ZNF681: variants seen among roughly 807,000 people sequenced by gnomAD.
The protein encoded by ZNF681 is hypothetical protein FLJ31526.
ZNF681 carries 37 observed loss-of-function variants against 56.0 expected under a neutral mutation model. The observed-to-expected ratio is 0.66, with a 90% CI of 0.51 to 0.87. ZNF681 has a LOEUF of 0.87. Ranked by LOEUF, ZNF681 falls within the 40% of genes least tolerant of loss-of-function variation. ZNF681 has a pLI of 0.00. For missense variants in ZNF681, 741 were observed against 744.9 expected (o/e 0.99, Z 0.06); for synonymous variants, 225 against 248.6 (o/e 0.91, Z 0.89).
intron 3 of ZNF681, 144 bp from the exon 4 acceptor site, chr19:23,745,467 T>C (rs79086336): frequency 1.2e-5 from 7 of 567,518 alleles, no homozygotes; most frequent in East Asian, 1.1e-4. Flanking sequence ...TTTTTTTTTT[T>C]CCTGAGACGG....
chr19:23,752,822 T>C lies in ZNF681; in HGVS notation c.226+2001A>G, dbSNP rs200823758. Among the ~76,000 whole-genome samples, 37 of 152,246 alleles carry C rather than the reference T, an allele frequency of 2.4e-4. No homozygotes were observed. In the East Asian group the frequency reaches 7.0e-3, roughly 29 times the overall value. On this transcript the variant is annotated intron_variant, in intron 3 of 3. Transcript: ENST00000402377. Reference sequence around the variant, plus strand: ...GCTTTTTCAAGTTTAAAGACACTAATACAAAACTATATTTTGCCTATCGTC... The same window carrying C: ...GCTTTTTCAAGTTTAAAGACACTAACACAAAACTATATTTTGCCTATCGTC...
chr19:23,749,470 CTCATTCTA>C (rs1968992897), intron 3 of ZNF681, among the ~76,000 whole-genome samples: 1 of 152,110 alleles, frequency 6.6e-6, no homozygotes, highest in Non-Finnish European at 1.5e-5. Context: ...GAGACAGGGT[CTCATTCTA>C]TCACGTAAGG....
In ZNF681 at chr19:23,755,448, T is replaced by C. The variant is rs759096239; in HGVS notation, c.107A>G (p.Asn36Ser). The C allele has an allele frequency of 1.1e-5, 18 of 1,611,614 alleles. No individual in the cohort carries two copies. Among genetic ancestry groups the C allele is most frequent in the Non-Finnish European group, 1.2e-5 (14 of 1,178,654 alleles). ...ACCCAAGAAGACCAGGTTTCTGTAG[T>C]TCTCTAACATCACATTCCTATATAA... ...QNLYRNVMLE[N>S]YRNLVFLGIV... Residue 36 changes from asparagine (N) to serine (S), a missense_variant, in exon 2 of 4, where the codon AAC becomes AGC. Asn to Ser is a conservative substitution (Grantham distance 46). Coordinates refer to ENST00000402377, the MANE Select transcript of ZNF681 (RefSeq NM_138286.3).
rs1404809567 is a variant in ZNF681, at chr19:23,739,755, A to G, written c.*3857T>C. Reference sequence around the variant, plus strand: ...ATGATCTTCGAATGTTTTCCAGAGAATATGACCAAGAAGTTGGCTAGAGTT... The same window carrying G: ...ATGATCTTCGAATGTTTTCCAGAGAGTATGACCAAGAAGTTGGCTAGAGTT... On this transcript the variant is annotated 3_prime_UTR_variant, in exon 4 of 4. Transcript: ENST00000402377. The G allele has an allele frequency of 6.6e-6, 1 of 152,160 alleles. No homozygotes were observed. Among genetic ancestry groups the G allele is most frequent in the African/African-American group, 2.4e-5 (1 of 41,438 alleles). The allele number at this position is 152,160 out of a possible 1,614,324, so 9.4% of individuals were successfully genotyped here. A position where few individuals can be genotyped will look rare whatever the true frequency, so the allele number is the denominator to read the frequency against.
chr19:23,747,692 G>A (rs1968966429), intron 3 of ZNF681, among the ~76,000 whole-genome samples: 1 of 146,880 alleles, frequency 6.8e-6, no homozygotes, highest in African/African-American at 2.5e-5. Context: ...CAAGAATATT[G>A]TTTAAAATTT....
intron 1 of ZNF681, among the ~76,000 whole-genome samples, chr19:23,757,388 T>G (rs1599463222): frequency 4.6e-5 from 7 of 152,184 alleles, no homozygotes; most frequent in African/African-American, 1.7e-4. Flanking sequence ...TGTCATTGAT[T>G]TTTTTTAAAA....
At chr19:23,754,174 G>A (rs1479298111) in intron 3 of ZNF681, among the ~76,000 whole-genome samples, 1 of 151,260 alleles carries the variant, frequency 6.6e-6, no homozygotes, top group Non-Finnish European at 1.5e-5. Flanking sequence ...GAACTTAACA[G>A]AGTTTCTCAA....
At position 23,739,375 on chromosome 19, in the gene ZNF681, C is replaced by G. The variant is rs993902126; in HGVS notation, c.*4237G>C. 4 of 152,094 alleles carry G rather than the reference C, an allele frequency of 2.6e-5. No individual in the cohort carries two copies. The highest frequency in any genetic ancestry group is 4.4e-5 in the Non-Finnish European group (3 of 68,020). The allele number at this position is 152,094 out of a possible 1,614,324, so 9.4% of individuals were successfully genotyped here. A position where few individuals can be genotyped will look rare whatever the true frequency, so the allele number is the denominator to read the frequency against. On this transcript the variant is annotated 3_prime_UTR_variant, in exon 4 of 4. Coordinates refer to ENST00000402377, the MANE Select transcript of ZNF681 (RefSeq NM_138286.3). Reference sequence around the variant, plus strand: ...AAGATGTCAGTCAAATACATAATTACAGTTGAATAGGAGAAATAAGTTCAA... The same window carrying G: ...AAGATGTCAGTCAAATACATAATTAGAGTTGAATAGGAGAAATAAGTTCAA...
intron 3 of ZNF681, among the ~76,000 whole-genome samples, chr19:23,749,697 C>T (rs1968996059): frequency 1.3e-5 from 2 of 151,996 alleles, no homozygotes; most frequent in Non-Finnish European, 2.9e-5. Flanking sequence ...ATCCTCCTGC[C>T]TTAAGATCCT....
rs1436132035 is a variant in ZNF681, at chr19:23,744,950, A to T, written c.600T>A (p.Cys200Ter). 6.2e-7 allele frequency: 1 copy of T among 1,602,768 alleles called. No homozygotes were observed. Among genetic ancestry groups the T allele is most frequent in the Non-Finnish European group, 8.5e-7 (1 of 1,175,950 alleles). Residue 200 changes from cysteine to a stop codon, truncating the protein, a stop_gained, in exon 4 of 4, where the codon TGT becomes TGA. Transcript: ENST00000402377. LOFTEE classifies it high-confidence loss of function. The stretch of plus-strand genomic sequence containing the variant: ...CATTAAAGGCTTTTCCACAGTCTTC[A>T]CATTTGTAGAAATTTACTCTAGTAC... ...IICTRVNFYKCEDCGKAFNGS... is the reference protein window; with the variant it reads ...IICTRVNFYK
intron 3 of ZNF681, among the ~76,000 whole-genome samples, chr19:23,751,696 A>AT (rs1284689194): frequency 1.3e-5 from 2 of 150,718 alleles, no homozygotes; most frequent in Admixed American, 1.3e-4. Context: ...TTATTTATTT[A>AT]TTTTTTTGAG....
Position 23,744,713 on chromosome 19 carries a change from C to G in ZNF681, c.837G>C (p.Glu279Asp), listed in dbSNP as rs267605396. 4.3e-6 allele frequency: 7 copies of G among 1,614,014 alleles called. No homozygotes were observed. The highest frequency in any genetic ancestry group is 5.9e-6 in the Non-Finnish European group (7 of 1,179,966). ...CACATTCTTCACGTTTGTAGGGATT[C>G]TCTCCAGTATGAATTATTGTATGTG... is the stretch of plus-strand genomic sequence containing the variant. ...ITTHTIIHTG[E>D]NPYKREECDK... The change falls in exon 4 of 4, where the codon GAG becomes GAC. Residue 279 changes from glutamate (E) to aspartate (D), a missense_variant. Coordinates refer to ENST00000402377, the MANE Select transcript of ZNF681 (RefSeq NM_138286.3).
At chr19:23,747,130 A>G (rs1300756990) in intron 3 of ZNF681, among the ~76,000 whole-genome samples, 1 of 152,162 alleles carries the variant, frequency 6.6e-6, no homozygotes, top group Admixed American at 6.5e-5. Flanking sequence ...AACAACAAAT[A>G]AATGTAAGAA....
In ZNF681 at chr19:23,744,805, T is replaced by A; in HGVS notation, c.745A>T (p.Thr249Ser). The A allele has an allele frequency of 6.2e-7, 1 of 1,613,458 alleles. No individual in the cohort carries two copies. Among genetic ancestry groups the A allele is most frequent in the Admixed American group, 1.7e-5 (1 of 59,932 alleles). The change falls in exon 4 of 4, where the codon ACT becomes TCT. Residue 249 changes from threonine (T) to serine (S), a missense_variant. Physicochemically the swap from Thr to Ser is moderately conservative, Grantham distance 58. Transcript: ENST00000402377. ...TCACGTTTGTAGAGTTTGTCTCTAG[T>A]ATAAATTATCTTATGTGTAGTAAGG... The part of the protein sequence containing the change: ...TNLTTHKIIY[T>S]RDKLYKREEC...
At chr19:23,746,007 T>C (rs1315341999) in intron 3 of ZNF681, among the ~76,000 whole-genome samples, 1 of 151,970 alleles carries the variant, frequency 6.6e-6, no homozygotes, top group Non-Finnish European at 1.5e-5. Context: ...CACCTGAGAG[T>C]GGATAATTTA....
At chr19:23,745,445 C>A in intron 3 of ZNF681, 122 bp from the exon 4 acceptor site, 1 of 785,254 alleles carries the variant, frequency 1.3e-6, no homozygotes, top group Non-Finnish European at 1.8e-6. Context: ...TACCAAAGGC[C>A]CTAATTTTTT....
At chr19:23,751,965 G>C (rs1285410130) in intron 3 of ZNF681, among the ~76,000 whole-genome samples, 2 of 152,178 alleles carry the variant, frequency 1.3e-5, no homozygotes, top group Non-Finnish European at 2.9e-5. Context: ...GGGATTACAG[G>C]CGTGAGCCAC....
intron 1 of ZNF681, among the ~76,000 whole-genome samples, chr19:23,757,353 G>A (rs10404427): frequency 0.98 from 148,975 of 152,258 alleles, 72,975 homozygotes; most frequent in Middle Eastern, 1. Context: ...TGAAAAGCCC[G>A]GCATTTTTAT....
Position 23,739,579 on chromosome 19 carries a change from C to T in ZNF681, c.*4033G>A, listed in dbSNP as rs894925874. On this transcript the variant is annotated 3_prime_UTR_variant, in exon 4 of 4. Transcript: ENST00000402377. The stretch of plus-strand genomic sequence containing the variant: ...ATATACTTCAAAATGTCATGCTTCA[C>T]AGAATAAATGCACAATTTATATATT... 6.6e-6 allele frequency: 1 copy of T among 152,056 alleles called. No individual in the cohort carries two copies. The highest frequency in any genetic ancestry group is 2.4e-5 in the African/African-American group (1 of 41,408). The allele number at this position is 152,056 out of a possible 1,614,324, so 9.4% of individuals were successfully genotyped here.
Sources: gnomAD v4.1 joint callset for allele counts (sites outside exome capture counted in the v4.1 genomes callset) on GRCh38, gnomAD v4.1.1 for gene constraint, MANE v1.5 for transcripts, NCBI Gene and HGNC (gene_info 2026-07-23, HGNC 2026-07-21) for gene names.